Variants in RINT1 observed in about 807,000 individuals in gnomAD.
RINT1 encodes RAD50-interacting protein 1.
A neutral mutation model predicts 97.7 loss-of-function variants in RINT1; 75 were observed. That is an observed-to-expected ratio of 0.77 (90% confidence interval 0.64 to 0.93). The LOEUF is 0.93. Among genes scored for constraint, RINT1 ranks in the 40% least tolerant of loss-of-function variants. The probability of loss-of-function intolerance (pLI) is 0.00; values close to 1 mark genes in which losing one functional copy is unlikely to be tolerated. For missense variants in RINT1, 892 were observed against 925.2 expected, an observed-to-expected ratio of 0.96 and a Z score of 0.47; for synonymous variants, 303 against 326.3, an observed-to-expected ratio of 0.93 and a Z score of 0.77.
Position 105,565,376 on chromosome 7 carries a change from G to A in RINT1, c.1986G>A (p.Leu662=), listed in dbSNP as rs1435475523. The A allele has an allele frequency of 6.2e-7, 1 of 1,614,036 alleles. No individual in the cohort carries two copies. The highest frequency in any genetic ancestry group is 8.5e-7 in the Non-Finnish European group (1 of 1,180,010). The part of the protein sequence containing the change: ...LLTLRDHLLQ[L]EQQLCFSLFK... The stretch of plus-strand genomic sequence containing the variant: ...CGTTACGAGACCATTTACTTCAGTT[G>A]GAGCAGCAGCTTTGTTTCTCCTTAT... The change falls in exon 13 of 15, where the codon TTG becomes TTA. Residue 662 remains leucine (L), a synonymous_variant. Transcript: ENST00000257700.
intron 11 of RINT1, among the ~76,000 whole-genome samples, chr7:105,559,680 G>A (rs766423229): frequency 4.6e-5 from 7 of 151,972 alleles, no homozygotes; most frequent in Admixed American, 6.6e-5. Flanking sequence ...AAATTGCGCC[G>A]TTGCGCTCCA....
intron 11 of RINT1, among the ~76,000 whole-genome samples, chr7:105,562,937 T>G (rs1791504079): frequency 6.6e-6 from 1 of 151,918 alleles, no homozygotes; most frequent in African/African-American, 2.4e-5. Flanking sequence ...CAAAAAAAAC[T>G]TGTACAAAAA....
intron 12 of RINT1, 146 bp downstream of exon 12, chr7:105,564,093 T>C: frequency 1.6e-6 from 1 of 644,416 alleles, no homozygotes; most frequent in Non-Finnish European, 2.7e-6. Context: ...GTATGTTCTC[T>C]TGGACATTTT....
At position 105,555,026 on chromosome 7, in the gene RINT1, A is replaced by G; in HGVS notation, c.1472-2A>G. Reference sequence around the variant, plus strand: ...CATATGTCTTAATAACTTTTTCCACAGACAGGTATAAAAATCTTCCCACAG... The same window carrying G: ...CATATGTCTTAATAACTTTTTCCACGGACAGGTATAAAAATCTTCCCACAG... On this transcript the variant is annotated splice_acceptor_variant, in intron 10 of 14. Coordinates refer to ENST00000257700, the MANE Select transcript of RINT1 (RefSeq NM_021930.6). LOFTEE classifies it high-confidence loss of function. The G allele has an allele frequency of 6.2e-7, 1 of 1,612,212 alleles. No homozygotes were observed. Among genetic ancestry groups the G allele is most frequent in the East Asian group, 2.2e-5 (1 of 44,820 alleles).
chr7:105,543,132 C>T (rs1383240926), intron 4 of RINT1, among the ~76,000 whole-genome samples: 1 of 152,090 alleles, frequency 6.6e-6, no homozygotes. Flanking sequence ...CCTCACTGTC[C>T]GCCAGCCTCG....
chr7:105,547,784 A>G (rs1790737332), intron 6 of RINT1, among the ~76,000 whole-genome samples: 1 of 133,988 alleles, frequency 7.5e-6, no homozygotes, highest in African/African-American at 2.9e-5. Flanking sequence ...AAGTGGCGTG[A>G]TCTCATGATC....
intron 2 of RINT1, among the ~76,000 whole-genome samples, chr7:105,533,618 C>T (rs912439466): frequency 3.9e-5 from 6 of 152,164 alleles, no homozygotes; most frequent in African/African-American, 1.4e-4. Context: ...CCCACATTAG[C>T]ACATGGCCCT....
rs79039035 is a variant in RINT1 at position 105,542,733 on chromosome 7, T to C, written c.515+84T>C. 6,138 of 1,314,414 alleles carry C rather than the reference T, an allele frequency of 4.7e-3. 98 individuals carry two copies. In the East Asian group the frequency reaches 0.05, roughly 11 times the overall value. 81.4% of individuals were successfully genotyped at this position (1,314,414 alleles called of 1,614,324 possible). ...AGAGTACATGTGTGCCATTAAATAA[T>C]TGAGTTAATTAAAGATTATAATAAT... On this transcript the variant is annotated intron_variant, in intron 4 of 14. Coordinates refer to ENST00000257700, the MANE Select transcript of RINT1 (RefSeq NM_021930.6).
At chr7:105,564,260 G>A (rs1791584445) in intron 12 of RINT1, among the ~76,000 whole-genome samples, 1 of 152,022 alleles carries the variant, frequency 6.6e-6, no homozygotes, top group African/African-American at 2.4e-5. Flanking sequence ...GCTAATTTTT[G>A]TATTTTTAGT....
In RINT1 at chr7:105,536,553, C is replaced by G. The variant is rs1586216133; in HGVS notation, c.89-12C>G. The G allele has an allele frequency of 6.5e-7, 1 of 1,546,772 alleles. No individual in the cohort carries two copies. Among genetic ancestry groups the G allele is most frequent in the Non-Finnish European group, 8.8e-7 (1 of 1,139,796 alleles). On this transcript the variant is annotated splice_polypyrimidine_tract_variant and intron_variant, in intron 2 of 14. Coordinates refer to ENST00000257700, the MANE Select transcript of RINT1 (RefSeq NM_021930.6). Reference sequence around the variant, plus strand: ...TTAGTGGCGTTGAGTAATTGTTATTCTTTTGTTGTAGGTGACATAAATGTT... The same window carrying G: ...TTAGTGGCGTTGAGTAATTGTTATTGTTTTGTTGTAGGTGACATAAATGTT...
rs151337665 is a variant in RINT1 at position 105,550,062 on chromosome 7, G to T, written c.1004G>T (p.Trp335Leu). 2.4e-5 allele frequency: 38 copies of T among 1,594,956 alleles called. No individual in the cohort carries two copies. Among genetic ancestry groups the T allele is most frequent in the Middle Eastern group, 1.7e-4 (1 of 6,024 alleles). The part of the protein sequence containing the change: ...RQTNVLSKPE[W>L]YLAQVLMWIG... The stretch of plus-strand genomic sequence containing the variant: ...ATTTTCCTCCTTCCTTAGCCAGAAT[G>T]GTACTTGGCTCAAGTACTTATGTGG... The change falls in exon 8 of 15, where the codon TGG becomes TTG. Residue 335 changes from tryptophan to leucine, a missense_variant. Coordinates refer to ENST00000257700, the MANE Select transcript of RINT1 (RefSeq NM_021930.6).
intron 3 of RINT1, chr7:105,542,199 G>GA: frequency 2.2e-6 from 1 of 449,314 alleles, no homozygotes. Context: ...GCCAGGTGTA[G>GA]TGGTGCATAT....
intron 14 of RINT1, 97 bp from the exon 15 acceptor site, chr7:105,567,022 C>A: frequency 1.6e-6 from 1 of 625,038 alleles, no homozygotes; most frequent in Non-Finnish European, 2.6e-6. Flanking sequence ...ACATGTGGAC[C>A]AGCAGTGCAG....
At chr7:105,554,402 G>A (rs1290134680) in intron 10 of RINT1, among the ~76,000 whole-genome samples, 1 of 149,912 alleles carries the variant, frequency 6.7e-6, no homozygotes, top group Non-Finnish European at 1.5e-5. Flanking sequence ...AAAAAATGCT[G>A]TTTATTTGTG....
In RINT1 at chr7:105,532,275, C is replaced by T; in HGVS notation, c.-41C>T. ...GGCCTTAGCCAGACTCCACAGGCCA[C>T]GCTGGCTGCGAATGGAGCCGAGGAC... On this transcript the variant is annotated 5_prime_UTR_variant, in exon 1 of 15. The change creates a new upstream start codon in the 5' untranslated region. Coordinates refer to ENST00000257700, the MANE Select transcript of RINT1 (RefSeq NM_021930.6). 2 of 1,554,086 alleles carry T rather than the reference C, an allele frequency of 1.3e-6. No homozygotes were observed. Among genetic ancestry groups the T allele is most frequent in the Non-Finnish European group, 8.7e-7 (1 of 1,153,700 alleles).
intron 11 of RINT1, among the ~76,000 whole-genome samples, chr7:105,558,060 A>G (rs1465839204): frequency 2.6e-5 from 4 of 152,186 alleles, no homozygotes; most frequent in Admixed American, 1.3e-4. Flanking sequence ...CATGCCTGTA[A>G]TCCCAACACT....
chr7:105,557,735 C>G (rs536057732), intron 11 of RINT1, among the ~76,000 whole-genome samples: 1 of 151,938 alleles, frequency 6.6e-6, no homozygotes, highest in Non-Finnish European at 1.5e-5. Context: ...CAAACAAAAA[C>G]CATTTTTATT....
chr7:105,561,267 C>T lies in RINT1; in HGVS notation c.1672-2466C>T, dbSNP rs192872908. Among the ~76,000 whole-genome samples, 21 of 152,166 alleles carry T rather than the reference C, an allele frequency of 1.4e-4. No individual in the cohort carries two copies. In the East Asian group the frequency reaches 3.9e-3, roughly 28 times the overall value. On this transcript the variant is annotated intron_variant, in intron 11 of 14. Transcript: ENST00000257700. ...ACAACGCCAGGCATGGTGGCTCACA[C>T]CTGTAATCTCAGCACTTTGGGAAGC...
intron 11 of RINT1, 75 bp from the exon 12 acceptor site, chr7:105,563,658 T>C: frequency 8.1e-7 from 1 of 1,230,770 alleles, no homozygotes; most frequent in Non-Finnish European, 1.2e-6. Flanking sequence ...ATGGGTGAAT[T>C]GTATGACATA....
Sources: allele counts gnomAD v4.1 joint callset (sites outside exome capture counted in the v4.1 genomes callset), GRCh38; gene constraint gnomAD v4.1.1; transcripts MANE v1.5; gene names NCBI Gene and HGNC (gene_info 2026-07-23, HGNC 2026-07-21).